Variants in CNBD2 observed in about 807,000 individuals in gnomAD.
CNBD2 encodes cyclic nucleotide-binding domain-containing protein 2.
Under a neutral mutation model 63.7 loss-of-function variants are expected in CNBD2, and 64 were observed. The ratio of observed to expected loss-of-function variants is 1.00; its 90% CI spans 0.82 to 1.24. CNBD2 has a LOEUF of 1.24. Ranked by LOEUF, CNBD2 falls within the 50% of genes most tolerant of loss-of-function variation. The pLI, the probability that CNBD2 is intolerant of heterozygous loss-of-function variation, is 0.00. For missense variants in CNBD2, 691 were observed against 713.5 expected (o/e 0.97, Z 0.36); for synonymous variants, 229 against 255.4 (o/e 0.90, Z 0.99).
chr20:36,028,901 C>G (rs2057312118), intron 11 of CNBD2, among the ~76,000 whole-genome samples: 1 of 152,102 alleles, frequency 6.6e-6, no homozygotes, highest in Non-Finnish European at 1.5e-5. Flanking sequence ...GTCTCAAACT[C>G]CTGATCTGAA....
At chr20:35,954,623 C>T (rs1447464864), upstream of CNBD2, 1 of 1,337,310 alleles carries the variant, frequency 7.5e-7, no homozygotes, top group African/African-American at 1.5e-5. Flanking sequence ...GCGAGCTGCG[C>T]GTGGCCTGGG....
upstream of CNBD2, chr20:35,954,395 G>C: frequency 6.4e-7 from 1 of 1,561,490 alleles, no homozygotes; most frequent in Non-Finnish European, 8.7e-7. Flanking sequence ...CAGAGCTCGC[G>C]TCACCCTTGA....
upstream of CNBD2, among the ~76,000 whole-genome samples, chr20:35,965,252 A>G (rs2056336852): frequency 6.9e-6 from 1 of 145,458 alleles, no homozygotes; most frequent in African/African-American, 2.6e-5. Flanking sequence ...ATCTTGGCTC[A>G]CTGCAACCTG....
rs997230042 is a variant in CNBD2, at chr20:36,025,282, G to A, written c.1439+1511G>A. Among the ~76,000 whole-genome samples, 3 of 152,122 alleles carry A rather than the reference G, an allele frequency of 2.0e-5. 1 individual carries two copies. In the South Asian group the frequency reaches 6.2e-4, roughly 32 times the overall value. ...GTAAGAGTCGTTTTCTCTGGGAGGT[G>A]AGACTAAAGGGGACTTTCTGGTTAT... On this transcript the variant is annotated intron_variant, in intron 11 of 11. Transcript: ENST00000373973.
At chr20:35,989,289 A>G (rs577704538) in intron 7 of CNBD2, among the ~76,000 whole-genome samples, 1 of 152,242 alleles carries the variant, frequency 6.6e-6, no homozygotes, top group African/African-American at 2.4e-5. Context: ...AAGCCACCAC[A>G]GGCATTTGTT....
intron 2 of CNBD2, chr20:35,972,990 A>G (rs1228995869): frequency 3.5e-6 from 2 of 564,566 alleles, no homozygotes; most frequent in Non-Finnish European, 6.2e-6. Flanking sequence ...AGACAGCCTT[A>G]CATGCCTAGC....
chr20:35,963,555 C>T (rs767298528), intron 2 of CNBD2, among the ~76,000 whole-genome samples: 21 of 151,756 alleles, frequency 1.4e-4, no homozygotes, highest in Admixed American at 9.9e-4. Flanking sequence ...GCAGGAGAAT[C>T]GCTTGAACCC....
chr20:35,959,316 GAT>G (rs1371807762), downstream of CNBD2: 1 of 143,262 alleles, frequency 7.0e-6, no homozygotes, highest in East Asian at 2.0e-4. Context: ...CACAGGCATT[GAT>G]ATTATTATTA....
chr20:35,975,161 C>T (rs2056487701), intron 2 of CNBD2, among the ~76,000 whole-genome samples: 1 of 131,308 alleles, frequency 7.6e-6, no homozygotes, highest in Non-Finnish European at 1.6e-5. Context: ...GCTACCACGC[C>T]CGGCTAATTT....
chr20:36,005,193 G>A lies in CNBD2; in HGVS notation c.971-3104G>A, dbSNP rs551973249. ...AGTTCAGCGGTCCCCAAACTTTTTG[G>A]CACCAGAGGCTGGTTTCGTGGAAGA... On this transcript the variant is annotated intron_variant, in intron 8 of 11. Transcript: ENST00000373973. 3.3e-5 allele frequency among the ~76,000 whole-genome samples: 5 copies of A among 152,274 alleles called. No individual in the cohort carries two copies. In the South Asian group the frequency reaches 1.0e-3, roughly 32 times the overall value.
intron 8 of CNBD2, among the ~76,000 whole-genome samples, chr20:36,003,874 G>GA (rs111493744): frequency 0.17 from 23,863 of 138,500 alleles, 2,519 homozygotes; most frequent in Non-Finnish European, 0.25. Context: ...GACTCCATCT[G>GA]AAAAAAAAAA....
chr20:35,988,960 G>A (rs746517314), intron 7 of CNBD2, among the ~76,000 whole-genome samples: 13 of 152,070 alleles, frequency 8.5e-5, no homozygotes, highest in Non-Finnish European at 1.5e-4. Flanking sequence ...ATTGCTTCAC[G>A]TCCTTTGCCA....
rs765756199 is a variant in CNBD2 at position 35,980,486 on chromosome 20, A to T, written c.271A>T (p.Ile91Phe). The change falls in exon 4 of 12, where the codon ATC becomes TTC. Residue 91 changes from isoleucine to phenylalanine, a missense_variant. Coordinates refer to ENST00000373973, the MANE Select transcript of CNBD2 (RefSeq NM_001365709.1). ...EGHFPPKAIQ[I>F]MQKKPSWRTE... ...TCACTTTCCTCCAAAGGCCATTCAGATCATGCAGAAGAAGCCTTCCTGGAG... is the reference window on the plus strand; with the variant it reads ...TCACTTTCCTCCAAAGGCCATTCAGTTCATGCAGAAGAAGCCTTCCTGGAG... 1.5e-4 allele frequency: 235 copies of T among 1,614,044 alleles called. No individual in the cohort carries two copies. The highest frequency in any genetic ancestry group is 1.9e-4 in the Non-Finnish European group (222 of 1,180,036).
intron 3 of CNBD2, among the ~76,000 whole-genome samples, chr20:35,976,580 GC>G (rs1421206420): frequency 1.3e-5 from 2 of 152,014 alleles, no homozygotes; most frequent in African/African-American, 4.8e-5. Flanking sequence ...ATAGAGCGAG[GC>G]CCCCTCTCTA....
intron 1 of CNBD2, 89 bp downstream of exon 1, chr20:35,968,902 T>C: frequency 1.0e-6 from 1 of 1,000,510 alleles, no homozygotes. Flanking sequence ...GTAGGAGGGG[T>C]CTTGGATGAA....
At chr20:36,001,733 T>C (rs1188054115) in intron 8 of CNBD2, among the ~76,000 whole-genome samples, 94 of 88,724 alleles carry the variant, frequency 1.1e-3, no homozygotes, top group African/African-American at 2.1e-3. Context: ...CGCGGCCGGG[T>C]AGAGGCGCTC....
At chr20:35,955,208 C>T (rs565442433) in exon 1 of CNBD2, 11 of 158,976 alleles carry the variant, frequency 6.9e-5, no homozygotes, top group African/African-American at 2.6e-4. Flanking sequence ...TAGTTGATAA[C>T]CCTCGAAATA....
chr20:35,956,144 C>T (rs182583117), downstream of CNBD2, among the ~76,000 whole-genome samples: 65 of 152,348 alleles, frequency 4.3e-4, no homozygotes, highest in African/African-American at 1.5e-3. Context: ...GATGGAGGAG[C>T]AGGTTTAACA....
At chr20:35,990,486 C>A (rs1217732994) in intron 7 of CNBD2, among the ~76,000 whole-genome samples, 2 of 151,912 alleles carry the variant, frequency 1.3e-5, no homozygotes, top group Non-Finnish European at 2.9e-5. Flanking sequence ...TAAAAATTAG[C>A]TGGACATGGT....
Sources: allele counts gnomAD v4.1 joint callset (sites outside exome capture counted in the v4.1 genomes callset), GRCh38; gene constraint gnomAD v4.1.1; transcripts MANE v1.5; gene names NCBI Gene and HGNC (gene_info 2026-07-23, HGNC 2026-07-21).